PTCHD4: variants seen among roughly 807,000 people sequenced by gnomAD.
The protein encoded by PTCHD4 is patched domain-containing protein 4.
In PTCHD4, 33 loss-of-function variants were observed where a neutral mutation model predicts 58.1. The ratio of observed to expected loss-of-function variants is 0.57; its 90% confidence interval spans 0.43 to 0.76. The LOEUF (loss-of-function observed/expected upper bound fraction) is 0.76. PTCHD4 is among the 30% of genes least tolerant of loss of function. The pLI is 0.00. For missense variants in PTCHD4, 1,058 were observed against 1,027.1 expected, an observed-to-expected ratio of 1.03 and a Z score of -0.41; for synonymous variants, 478 against 409.6, an observed-to-expected ratio of 1.17 and a Z score of -2.02.
intron 3 of PTCHD4, among the ~76,000 whole-genome samples, chr6:48,031,007 G>A (rs1179257464): frequency 6.6e-6 from 1 of 152,106 alleles, no homozygotes; most frequent in East Asian, 1.9e-4. Context: ...AAAGGAGAAT[G>A]TCTCTTTTCC....
chr6:48,098,575 C>T (rs1361842362), intron 1 of PTCHD4, among the ~76,000 whole-genome samples: 1 of 152,080 alleles, frequency 6.6e-6, no homozygotes, highest in Non-Finnish European at 1.5e-5. Context: ...CTGACCTCAA[C>T]TGATCCACTC....
At chr6:47,932,960 A>G (rs1306483735) in intron 4 of PTCHD4, among the ~76,000 whole-genome samples, 1 of 152,242 alleles carries the variant, frequency 6.6e-6, no homozygotes, top group Non-Finnish European at 1.5e-5. Context: ...TGTATTATTA[A>G]TCAAAGGAAG....
intron 4 of PTCHD4, among the ~76,000 whole-genome samples, chr6:47,984,121 T>C (rs1043139899): frequency 6.6e-6 from 1 of 152,172 alleles, no homozygotes; most frequent in African/African-American, 2.4e-5. Flanking sequence ...AATTATTGAT[T>C]TCATAATCAT....
At chr6:47,991,020 A>T (rs547382110) in intron 4 of PTCHD4, among the ~76,000 whole-genome samples, 126 of 152,242 alleles carry the variant, frequency 8.3e-4, no homozygotes, top group Non-Finnish European at 1.6e-3. Context: ...AAAAGGAAGT[A>T]TAAAAGACAT....
In PTCHD4 at chr6:47,973,513, G is replaced by A. The variant is rs1767588018; in HGVS notation, c.898+35121C>T. 2.0e-5 allele frequency among the ~76,000 whole-genome samples: 3 copies of A among 152,224 alleles called. No homozygotes were observed. In the South Asian group the frequency reaches 6.2e-4, roughly 32 times the overall value. On this transcript the variant is annotated intron_variant, in intron 4 of 4. Coordinates refer to ENST00000339488, the MANE Select transcript of PTCHD4 (RefSeq NM_001384253.1). ...AACCGGGAACCTGTGAATCAGAGCA[G>A]AAGCTGCTGGAGCCAGACGGCACCA...
chr6:48,096,786 CT>C (rs1562048263), intron 1 of PTCHD4, among the ~76,000 whole-genome samples: 1 of 152,034 alleles, frequency 6.6e-6, no homozygotes, highest in African/African-American at 2.4e-5. Flanking sequence ...CACAAGAATT[CT>C]TTTGCATTGA....
At chr6:48,017,153 T>C in intron 3 of PTCHD4, among the ~76,000 whole-genome samples, 1 of 152,218 alleles carries the variant, frequency 6.6e-6, no homozygotes, top group Non-Finnish European at 1.5e-5. Flanking sequence ...CTAACTTATA[T>C]ATCTTTGTTT....
chr6:47,914,704 G>C (rs1239943063), intron 4 of PTCHD4, among the ~76,000 whole-genome samples: 10 of 95,198 alleles, frequency 1.1e-4, no homozygotes, highest in Admixed American at 7.0e-4. Flanking sequence ...CTGTCTGTCT[G>C]TCTGTCTCTC....
chr6:47,939,391 T>A (rs1427642756), intron 4 of PTCHD4, among the ~76,000 whole-genome samples: 1 of 151,848 alleles, frequency 6.6e-6, no homozygotes, highest in Non-Finnish European at 1.5e-5. Flanking sequence ...AAGTCAGTAG[T>A]AATTAAGAGA....
intron 4 of PTCHD4, among the ~76,000 whole-genome samples, chr6:47,916,536 C>T (rs1384711564): frequency 6.6e-6 from 1 of 152,034 alleles, no homozygotes; most frequent in Non-Finnish European, 1.5e-5. Context: ...TATCTCCATT[C>T]CCAATTATGA....
At position 47,877,290 on chromosome 6, in the gene PTCHD4, C is replaced by T. The variant is rs1763872654; in HGVS notation, c.*1013G>A. Among the ~76,000 whole-genome samples the T allele has an allele frequency of 6.6e-6, 1 of 152,004 alleles. No individual in the cohort carries two copies. Among genetic ancestry groups the T allele is most frequent in the Non-Finnish European group, 1.5e-5 (1 of 67,988 alleles). On this transcript the variant is annotated 3_prime_UTR_variant, in exon 5 of 5. Transcript: ENST00000339488. ...ACGGTGTAACTATGGAGTACCCCAA[C>T]TCACATACACATACTTGTGCACCCT...
chr6:48,103,100 G>A (rs954615626), intron 1 of PTCHD4, among the ~76,000 whole-genome samples: 1 of 152,236 alleles, frequency 6.6e-6, no homozygotes, highest in African/African-American at 2.4e-5. Flanking sequence ...GCTTTGAAGA[G>A]AGTAGTGGTT....
At position 47,959,729 on chromosome 6, in the gene PTCHD4, A is replaced by G. The variant is rs796272440; in HGVS notation, c.898+48905T>C. On this transcript the variant is annotated intron_variant, in intron 4 of 4. Transcript: ENST00000339488. Reference sequence around the variant, plus strand: ...TAAAGAAAATTTTTGATCAGAAAAAACAAAAGTGAGAAGATAATGGAACAA... The same window carrying G: ...TAAAGAAAATTTTTGATCAGAAAAAGCAAAAGTGAGAAGATAATGGAACAA... 2.7e-4 allele frequency among the ~76,000 whole-genome samples: 41 copies of G among 152,196 alleles called. 1 individual carries two copies. Among genetic ancestry groups the G allele is most frequent in the African/African-American group, 9.9e-4 (41 of 41,562 alleles).
At chr6:47,988,820 A>G (rs1468714486) in intron 4 of PTCHD4, among the ~76,000 whole-genome samples, 2 of 152,188 alleles carry the variant, frequency 1.3e-5, no homozygotes, top group Non-Finnish European at 2.9e-5. Context: ...CTTTATCAGC[A>G]GTGTGAAAAT....
intron 1 of PTCHD4, among the ~76,000 whole-genome samples, chr6:48,074,370 CACA>C (rs1765024601): frequency 6.6e-6 from 1 of 152,192 alleles, no homozygotes; most frequent in African/African-American, 2.4e-5. Context: ...TGCCCATGCC[CACA>C]GCTTGAGCTC....
At chr6:47,942,668 A>C (rs553653928) in intron 4 of PTCHD4, among the ~76,000 whole-genome samples, 1 of 152,352 alleles carries the variant, frequency 6.6e-6, no homozygotes, top group East Asian at 1.9e-4. Context: ...ACAAATAACC[A>C]GATCTCCTCA....
At chr6:48,010,595 CTTTTT>C in intron 3 of PTCHD4, among the ~76,000 whole-genome samples, 1 of 149,164 alleles carries the variant, frequency 6.7e-6, no homozygotes, top group South Asian at 2.1e-4. Flanking sequence ...TGAGGAATTT[CTTTTT>C]TTTTTCTTTA....
chr6:48,056,252 T>C lies in PTCHD4; in HGVS notation c.417+11978A>G, dbSNP rs150095206. 2.4e-3 allele frequency among the ~76,000 whole-genome samples: 369 copies of C among 152,326 alleles called. 1 individual carries two copies. The highest frequency in any genetic ancestry group is 8.3e-3 in the African/African-American group (347 of 41,572). On this transcript the variant is annotated intron_variant, in intron 3 of 4. Coordinates refer to ENST00000339488, the MANE Select transcript of PTCHD4 (RefSeq NM_001384253.1). ...GGCTACTTTCAAAAGCTTCATAATT[T>C]TGAAGGAAAATAAGAAAGGTTCTAA...
At chr6:47,996,907 A>G (rs1768512570) in intron 4 of PTCHD4, among the ~76,000 whole-genome samples, 1 of 152,248 alleles carries the variant, frequency 6.6e-6, no homozygotes, top group Admixed American at 6.5e-5. Flanking sequence ...TTCTAAAAAA[A>G]TAACCTTTAT....
Sources: gnomAD v4.1 joint callset for allele counts (sites outside exome capture counted in the v4.1 genomes callset) on GRCh38, gnomAD v4.1.1 for gene constraint, MANE v1.5 for transcripts, NCBI Gene and HGNC (gene_info 2026-07-23, HGNC 2026-07-21) for gene names.